NPHP4: variants seen among roughly 807,000 people sequenced by gnomAD.
NPHP4 encodes nephrocystin 4.
A neutral mutation model predicts 155.8 loss-of-function variants in NPHP4; 151 were observed. The ratio of observed to expected loss-of-function variants is 0.97; its 90% confidence interval spans 0.85 to 1.11. NPHP4 has a LOEUF of 1.11. Ranked by LOEUF, NPHP4 falls within the 50% of genes least tolerant of loss-of-function variation. The pLI, the probability that NPHP4 is intolerant of heterozygous loss-of-function variation, is 0.00. For synonymous variants in NPHP4, 845 were observed against 816.8 expected (o/e 1.03, Z -0.59); for missense variants, 1,956 against 1,925.7 (o/e 1.02, Z -0.29).
chr1:5,868,706 GCC>G (rs1036257209), intron 23 of NPHP4, among the ~76,000 whole-genome samples: 1 of 133,762 alleles, frequency 7.5e-6, no homozygotes, highest in Admixed American at 7.7e-5. Flanking sequence ...ATGCACGCAT[GCC>G]CCACACACAC....
rs114575392 is a variant in NPHP4, at chr1:5,867,638, C to A, written c.3472+102G>T. The A allele has an allele frequency of 1.4e-3, 1,689 of 1,250,080 alleles. 22 individuals carry two copies. In the African/African-American group the frequency reaches 0.023, roughly 17 times the overall value. 77.4% of individuals were successfully genotyped at this position (1,250,080 alleles called of 1,614,324 possible). A position where few individuals can be genotyped will look rare whatever the true frequency, so the allele number is the denominator to read the frequency against. ...GGCCCCACGTGCTGCTCTGACAGCA[C>A]CAGGGCATGAAGCCATGAGGCCATC... On this transcript the variant is annotated intron_variant, in intron 24 of 29. Transcript: ENST00000378156. The surrounding 1 kb of genome is among the most constrained non-coding windows in gnomAD (Gnocchi z 4.1).
intron 11 of NPHP4, among the ~76,000 whole-genome samples, chr1:5,915,372 G>A (rs1020362024): frequency 7.9e-5 from 12 of 152,318 alleles, no homozygotes; most frequent in East Asian, 3.9e-4. Context: ...TCATCAGGCC[G>A]TGAAAATAAA....
rs917073011 is a variant in NPHP4, at chr1:5,864,155, A to T, written c.3997-122T>A. 7 of 1,228,694 alleles carry T rather than the reference A, an allele frequency of 5.7e-6. No homozygotes were observed. In the East Asian group the frequency reaches 1.8e-4, roughly 31 times the overall value. The allele number at this position is 1,228,694 out of a possible 1,614,324, so 76.1% of individuals were successfully genotyped here. ...ACGGGGACCCCCACAGAGATAAGAC[A>T]GACGCTCTCTGGAGCTTCCATCCGG... On this transcript the variant is annotated intron_variant, in intron 28 of 29. Coordinates refer to ENST00000378156, the MANE Select transcript of NPHP4 (RefSeq NM_015102.5).
intron 16 of NPHP4, among the ~76,000 whole-genome samples, chr1:5,894,171 G>T (rs907695445): frequency 2.6e-5 from 4 of 152,058 alleles, no homozygotes; most frequent in Non-Finnish European, 5.9e-5. Flanking sequence ...GCCACCCACA[G>T]GCCACAAAAA....
intron 1 of NPHP4, among the ~76,000 whole-genome samples, chr1:5,988,265 A>G (rs1329448057): frequency 6.6e-6 from 1 of 152,234 alleles, no homozygotes; most frequent in South Asian, 2.1e-4. Flanking sequence ...AATATCCACA[A>G]TGACCCAAGA....
Position 5,927,806 on chromosome 1 carries a change from GCAGTGATGGC to G in NPHP4, c.1303-29_1303-20del. On this transcript the variant is annotated intron_variant, in intron 10 of 29. Coordinates refer to ENST00000378156, the MANE Select transcript of NPHP4 (RefSeq NM_015102.5). ...GCTTCACCTGCAATGGACCAGAAGA[GCAGTGATGGC>G]CACTCCCTTCATCAGCACGCCTATC... 6.3e-7 allele frequency: 1 copy of G among 1,598,454 alleles called. No individual in the cohort carries two copies. The highest frequency in any genetic ancestry group is 2.3e-5 in the East Asian group (1 of 44,438).
intron 19 of NPHP4, chr1:5,879,705 C>T (rs1643009975): frequency 2.2e-6 from 1 of 463,196 alleles, no homozygotes; most frequent in Non-Finnish European, 4.3e-6. Flanking sequence ...CTAGCCAGGG[C>T]ACCGAGCTGC....
intron 6 of NPHP4, among the ~76,000 whole-genome samples, chr1:5,961,447 G>T (rs1650297103): frequency 6.6e-6 from 1 of 152,204 alleles, no homozygotes; most frequent in African/African-American, 2.4e-5. Flanking sequence ...TCATCATCAT[G>T]ATCATCAGGT....
Position 5,905,379 on chromosome 1 carries a change from G to A in NPHP4, c.1868C>T (p.Thr623Ile), listed in dbSNP as rs1644863958. The change falls in exon 15 of 30, where the codon ACA becomes ATA. Residue 623 changes from threonine (T) to isoleucine (I), a missense_variant. Physicochemically the swap from Thr to Ile is moderately conservative, Grantham distance 89. Coordinates refer to ENST00000378156, the MANE Select transcript of NPHP4 (RefSeq NM_015102.5). The surrounding 1 kb of genome is among the most constrained non-coding windows in gnomAD (Gnocchi z 4.0). ...NKQPAEAVSA[T>I]EPVTFNPQKE... is the part of the protein sequence containing the mutation. ...CTGAGGGTTAAACGTCACAGGTTCT[G>A]TAGCGCTGACAGCCTCGGCTGGCTG... 3.7e-6 allele frequency: 6 copies of A among 1,613,802 alleles called. No individual in the cohort carries two copies. Among genetic ancestry groups the A allele is most frequent in the South Asian group, 1.1e-5 (1 of 91,082 alleles).
chr1:5,940,987 C>T (rs142534305), intron 9 of NPHP4, among the ~76,000 whole-genome samples: 2 of 152,120 alleles, frequency 1.3e-5, no homozygotes, highest in East Asian at 3.9e-4. Flanking sequence ...GCAAGAAAAG[C>T]TAGAAAAGCA....
rs767473811 is a variant in NPHP4 at position 5,873,297 on chromosome 1, G to A, written c.3270C>T (p.Ala1090=). The A allele has an allele frequency of 1.5e-5, 25 of 1,613,812 alleles. No homozygotes were observed. Among genetic ancestry groups the A allele is most frequent in the Admixed American group, 1.7e-5 (1 of 60,002 alleles). The change falls in exon 23 of 30, where the codon GCC becomes GCT. Residue 1090 remains alanine (A), a synonymous_variant. Transcript: ENST00000378156. ...PGLSNEKGMD[A]VSPWKSSAVP... is the part of the protein sequence containing the mutation. ...CTGCGCTGGACTTCCAAGGTGACAC[G>A]GCGTCCATGCCCTTCTCGTTGCTCA... is the stretch of plus-strand genomic sequence containing the variant.
chr1:5,968,316 A>AC (rs746506262), intron 4 of NPHP4, among the ~76,000 whole-genome samples: 2 of 152,076 alleles, frequency 1.3e-5, no homozygotes, highest in Non-Finnish European at 2.9e-5. Context: ...GAAATGGCAA[A>AC]CCCAGCCGGA....
chr1:5,955,370 CCTA>C (rs1648975197), intron 6 of NPHP4, among the ~76,000 whole-genome samples: 1 of 152,234 alleles, frequency 6.6e-6, no homozygotes, highest in African/African-American at 2.4e-5. Context: ...ATTCAGCAAT[CCTA>C]CTACTGAGTA....
At chr1:5,968,859 C>G (rs527699793) in intron 4 of NPHP4, among the ~76,000 whole-genome samples, 1 of 152,166 alleles carries the variant, frequency 6.6e-6, no homozygotes, top group South Asian at 2.1e-4. Flanking sequence ...CATGGCAAAA[C>G]CCCGTCTCTA....
chr1:5,864,481 C>T lies in NPHP4; in HGVS notation c.3853G>A (p.Gly1285Arg), dbSNP rs537859714. 8.1e-6 allele frequency: 13 copies of T among 1,596,114 alleles called. No individual in the cohort carries two copies. The East Asian group carries it at 9.1e-5, about 11-fold the overall frequency. The change falls in exon 28 of 30, where the codon GGG (glycine) becomes AGG (arginine). Residue 1285 changes from glycine (G) to arginine (R), a missense_variant. Transcript: ENST00000378156. ...ACGCCAACATGCAGGTCCTGCACCCCACGAGGCGGCAGCACGAAGACACCT... is the reference window on the plus strand; with the variant it reads ...ACGCCAACATGCAGGTCCTGCACCCTACGAGGCGGCAGCACGAAGACACCT... The part of the protein sequence containing the change: ...PKGVFVLPPR[G>R]VQDLHVGVRP...
intron 11 of NPHP4, among the ~76,000 whole-genome samples, chr1:5,919,386 C>T (rs1240785344): frequency 2.0e-5 from 3 of 152,234 alleles, no homozygotes; most frequent in Non-Finnish European, 4.4e-5. Context: ...CCTGTCCCCA[C>T]ATGCAGCTAC....
Position 5,890,708 on chromosome 1 carries a change from C to T in NPHP4, c.2304+160G>A, listed in dbSNP as rs1644075565. Among the ~76,000 whole-genome samples the T allele has an allele frequency of 6.6e-6, 1 of 152,166 alleles. No homozygotes were observed. Among genetic ancestry groups the T allele is most frequent in the African/African-American group, 2.4e-5 (1 of 41,434 alleles). On this transcript the variant is annotated intron_variant, in intron 17 of 29. Transcript: ENST00000378156. The surrounding 1 kb of genome is among the most constrained non-coding windows in gnomAD (Gnocchi z 4.9). ...TGAAAAATCTTTTCCTTTCAAGAAA[C>T]AGAGAATGCAGCACTATTTTTAACG...
intron 9 of NPHP4, among the ~76,000 whole-genome samples, chr1:5,936,241 T>G (rs1432036854): frequency 6.6e-6 from 1 of 152,252 alleles, no homozygotes; most frequent in African/African-American, 2.4e-5. Flanking sequence ...AGCCAATTAT[T>G]GATCATTCTT....
chr1:5,985,421 G>A (rs1024039263), intron 2 of NPHP4, among the ~76,000 whole-genome samples: 1 of 152,248 alleles, frequency 6.6e-6, no homozygotes, highest in African/African-American at 2.4e-5. Flanking sequence ...CCGCCATCAG[G>A]GCCTGGGCCT....
Sources: allele counts gnomAD v4.1 joint callset (sites outside exome capture counted in the v4.1 genomes callset), GRCh38; gene constraint gnomAD v4.1.1; non-coding constraint Gnocchi (gnomAD v3.1); transcripts MANE v1.5; gene names NCBI Gene and HGNC (gene_info 2026-07-23, HGNC 2026-07-21).